COL5A3: variants seen among roughly 807,000 people sequenced by gnomAD.
COL5A3 encodes the protein collagen type V alpha 3 chain.
COL5A3 carries 172 observed loss-of-function variants against 250.0 expected under a neutral mutation model. That is an observed-to-expected ratio of 0.69 (90% confidence interval 0.61 to 0.78). The LOEUF (loss-of-function observed/expected upper bound fraction) is 0.78. Ranked by LOEUF, COL5A3 falls within the 30% of genes least tolerant of loss-of-function variation. The pLI is 0.00. For missense variants in COL5A3, 2,340 were observed against 2,334.4 expected, an observed-to-expected ratio of 1.00 and a Z score of -0.05; for synonymous variants, 937 against 900.4, an observed-to-expected ratio of 1.04 and a Z score of -0.73.
At chr19:9,985,973 A>G in intron 30 of COL5A3, 78 bp from the exon 31 acceptor site, 2 of 1,301,916 alleles carry the variant, frequency 1.5e-6, no homozygotes, top group Non-Finnish European at 2.2e-6. Context: ...TGGCTGGGGC[A>G]TGGTGAATGG....
At chr19:10,005,155 A>G (rs141626628) in intron 4 of COL5A3, among the ~76,000 whole-genome samples, 3,298 of 152,224 alleles carry the variant, frequency 0.022, 65 homozygotes, top group East Asian at 0.076. Flanking sequence ...CCAGGAGTTC[A>G]GGACCAGCTT....
chr19:9,972,382 C>T lies in COL5A3; in HGVS notation c.3774+537G>A, dbSNP rs140858759. On this transcript the variant is annotated intron_variant, in intron 51 of 66. Coordinates refer to ENST00000264828, the MANE Select transcript of COL5A3 (RefSeq NM_015719.4). ...CCATTTATTCATTCACGTATTCATCCATCCACTGAGTTATTCACTTGTCCA... is the reference window on the plus strand; with the variant it reads ...CCATTTATTCATTCACGTATTCATCTATCCACTGAGTTATTCACTTGTCCA... Among the ~76,000 whole-genome samples the T allele has an allele frequency of 4.6e-3, 695 of 152,272 alleles. 4 individuals carry two copies. The highest frequency in any genetic ancestry group is 0.015 in the African/African-American group (639 of 41,550).
intron 27 of COL5A3, 85 bp from the exon 28 acceptor site, chr19:9,986,843 G>A: frequency 6.7e-7 from 1 of 1,481,660 alleles, no homozygotes; most frequent in South Asian, 1.2e-5. Flanking sequence ...AAAGCAGCCA[G>A]GATAGTCCCA....
chr19:9,991,829 C>G lies in COL5A3; in HGVS notation c.1906G>C (p.Glu636Gln). The G allele has an allele frequency of 1.2e-6, 2 of 1,609,488 alleles. No homozygotes were observed. The highest frequency in any genetic ancestry group is 1.7e-6 in the Non-Finnish European group (2 of 1,178,074). The part of the protein sequence containing the change: ...GAKGNVGPPG[E>Q]PGPPGQQGNH... ...CCCTGCTGTCCCGGAGGGCCTGGTT[C>G]TCCTGGAGGACCCTGGGGAGAAAGT... The change falls in exon 23 of 67, where the codon GAA becomes CAA. Residue 636 changes from glutamate (E) to glutamine (Q), a missense_variant. This residue lies in a region of COL5A3 where 1,152 missense variants were observed against 1,146.3 expected (regional missense o/e 1.00). Transcript: ENST00000264828.
chr19:9,997,261 G>T, intron 11 of COL5A3, 110 bp downstream of exon 11: 3 of 813,202 alleles, frequency 3.7e-6, no homozygotes, highest in South Asian at 1.4e-5. Context: ...TGCCAGCCCC[G>T]GGATGGTGTT....
At chr19:9,994,059 C>T (rs1267019701) in intron 16 of COL5A3, among the ~76,000 whole-genome samples, 1 of 152,088 alleles carries the variant, frequency 6.6e-6, no homozygotes, top group Non-Finnish European at 1.5e-5. Flanking sequence ...GGGGGTTTCA[C>T]CCTGTTGCTC....
At chr19:9,985,094 G>T (rs1055538598) in intron 31 of COL5A3, among the ~76,000 whole-genome samples, 1 of 151,088 alleles carries the variant, frequency 6.6e-6, no homozygotes, top group Non-Finnish European at 1.5e-5. Flanking sequence ...GATTACAGGT[G>T]CATGCTACTA....
At chr19:9,979,109 A>G (rs762947936) in intron 39 of COL5A3, 23 bp downstream of exon 39, 1 of 1,524,616 alleles carries the variant, frequency 6.6e-7, no homozygotes, top group Non-Finnish European at 8.8e-7. Flanking sequence ...TTCAACCAAG[A>G]TCTCCAGTGG....
intron 14 of COL5A3, 35 bp from the exon 15 acceptor site, chr19:9,996,154 T>C (rs1217996542): frequency 6.4e-7 from 1 of 1,552,364 alleles, no homozygotes; most frequent in Non-Finnish European, 8.7e-7. Context: ...TGTGGGTAGA[T>C]GATTCTTCAC....
chr19:9,966,433 C>T lies in COL5A3; in HGVS notation c.4670-7G>A, dbSNP rs1027373831. ...GGGTCAATCCAGTATTCCCCTGCCG[C>T]AGAGCCAGGCAGGGTGGGTGAGTCC... On this transcript the variant is annotated splice_region_variant and splice_polypyrimidine_tract_variant and intron_variant, in intron 63 of 66. Coordinates refer to ENST00000264828, the MANE Select transcript of COL5A3 (RefSeq NM_015719.4). 7 of 1,587,268 alleles carry T rather than the reference C, an allele frequency of 4.4e-6. No individual in the cohort carries two copies. In the African/African-American group the frequency reaches 8.0e-5, roughly 18 times the overall value.
chr19:9,997,444 C>A lies in COL5A3; in HGVS notation c.1201-11G>T. The A allele has an allele frequency of 6.3e-7, 1 of 1,588,574 alleles. No individual in the cohort carries two copies. Among genetic ancestry groups the A allele is most frequent in the South Asian group, 1.1e-5 (1 of 88,098 alleles). On this transcript the variant is annotated splice_polypyrimidine_tract_variant and intron_variant, in intron 10 of 66. Transcript: ENST00000264828. The stretch of plus-strand genomic sequence containing the variant: ...GGGGCCAACCACCCCCTGTTGGGGA[C>A]AGAGAAACAGGAGTCACAGGAAGTG...
chr19:10,010,366 A>C lies in COL5A3; in HGVS notation c.20T>G (p.Leu7Arg). 1 of 1,458,190 alleles carries C rather than the reference A, an allele frequency of 6.9e-7. No individual in the cohort carries two copies. The highest frequency in any genetic ancestry group is 9.1e-7 in the Non-Finnish European group (1 of 1,100,726). 90.3% of individuals were successfully genotyped at this position (1,458,190 alleles called of 1,614,324 possible). The change falls in exon 1 of 67, where the codon CTG (leucine) becomes CGG (arginine). Residue 7 changes from leucine (L) to arginine (R), a missense_variant. Around this residue, in one of 3 missense-constraint regions of COL5A3, gnomAD observed 1,152 missense variants for 1,146.3 expected, o/e 1.00. Coordinates refer to ENST00000264828, the MANE Select transcript of COL5A3 (RefSeq NM_015719.4). MGNRRD[L>R]GQPRAGLCLL... is the part of the protein sequence containing the mutation. ...GCAGAGACCGGCCCGCGGCTGGCCC[A>C]GGTCCCGGCGGTTCCCCATCCCGGC... is the stretch of plus-strand genomic sequence containing the variant.
chr19:9,983,619 A>T (rs917787298), intron 31 of COL5A3, among the ~76,000 whole-genome samples: 4 of 131,724 alleles, frequency 3.0e-5, no homozygotes, highest in African/African-American at 1.1e-4. Flanking sequence ...AGAGAGAGAG[A>T]AAGAAAGAAA....
At chr19:9,999,469 C>CTTT (rs530527039) in intron 8 of COL5A3, among the ~76,000 whole-genome samples, 3,923 of 120,344 alleles carry the variant, frequency 0.033, 335 homozygotes, top group African/African-American at 0.12. Context: ...TTTCTTTTTT[C>CTTT]TTTTTTTTTT....
Position 9,968,774 on chromosome 19 carries a change from C to T in COL5A3, c.4153-46G>A, listed in dbSNP as rs1305940579. 9.7e-6 allele frequency: 15 copies of T among 1,553,320 alleles called. No homozygotes were observed. Among genetic ancestry groups the T allele is most frequent in the African/African-American group, 1.4e-5 (1 of 73,618 alleles). On this transcript the variant is annotated intron_variant, in intron 57 of 66. Coordinates refer to ENST00000264828, the MANE Select transcript of COL5A3 (RefSeq NM_015719.4). The surrounding 1 kb of genome is among the most constrained non-coding windows in gnomAD (Gnocchi z 4.1). ...AGTTAGGGATTCTCAAATGTGAACT[C>T]GAGGTCTGTGTGGGTGGTTAGGGGA...
intron 8 of COL5A3, among the ~76,000 whole-genome samples, chr19:9,999,512 G>A (rs2087327032): frequency 7.4e-6 from 1 of 134,788 alleles, no homozygotes. Context: ...CTCGCGCCCA[G>A]GCTGAAGTGC....
In COL5A3 at chr19:9,976,604, G is replaced by A. The variant is rs773733667; in HGVS notation, c.3296C>T (p.Pro1099Leu). The A allele has an allele frequency of 3.2e-6, 5 of 1,576,368 alleles. No individual in the cohort carries two copies. Among genetic ancestry groups the A allele is most frequent in the Admixed American group, 3.8e-5 (2 of 52,690 alleles). ...SKGDKGDAGP[P>L]GQPGIRGPAG... ...AGGACCCCGTATCCCTGGTTGTCCA[G>A]GTGGGCCCTGGGAGAACAGGAAACA... The change falls in exon 45 of 67, where the codon CCT becomes CTT. Residue 1099 changes from proline to leucine, a missense_variant. Pro to Leu is a moderately conservative substitution (Grantham distance 98). Around this residue, in one of 3 missense-constraint regions of COL5A3, gnomAD observed 1,179 missense variants for 1,162.6 expected, o/e 1.01. Transcript: ENST00000264828.
At chr19:9,977,134 C>T in intron 44 of COL5A3, 95 bp downstream of exon 44, 2 of 1,225,492 alleles carry the variant, frequency 1.6e-6, no homozygotes, top group Admixed American at 1.8e-5. Flanking sequence ...AACTCCATGG[C>T]CTCTCCTACC....
intron 61 of COL5A3, 64 bp downstream of exon 61, chr19:9,967,840 T>A: frequency 6.6e-7 from 1 of 1,507,110 alleles, no homozygotes. Context: ...CGTGGAGGGT[T>A]CTGGTGCAGT....
Sources: gnomAD v4.1 joint callset for allele counts (sites outside exome capture counted in the v4.1 genomes callset) on GRCh38, gnomAD v4.1.1 for gene constraint, gnomAD v4.1.1 regional missense constraint, Gnocchi (gnomAD v3.1) non-coding constraint, MANE v1.5 for transcripts, NCBI Gene and HGNC (gene_info 2026-07-23, HGNC 2026-07-21) for gene names.